The following PRPS2 variants were observed in gnomAD, a reference collection of about 807,000 sequenced individuals.
PRPS2 encodes the protein ribose-phosphate pyrophosphokinase 2.
For synonymous variants in PRPS2, 111 were observed against 115.3 expected (o/e 0.96, Z 0.24); for missense variants, 104 against 271.5 (o/e 0.38, Z 4.34).
chrX:12,813,462 G>A (rs1472435820), intron 4 of PRPS2, among the ~76,000 whole-genome samples: 1 of 112,506 alleles, frequency 8.9e-6, no homozygotes, highest in East Asian at 2.8e-4. Context: ...CAAAAGGCAT[G>A]AGCCATTTTA....
At chrX:12,808,128 A>G (rs1035042710) in intron 2 of PRPS2, among the ~76,000 whole-genome samples, 8 of 111,125 alleles carry the variant, frequency 7.2e-5, no homozygotes, top group African/African-American at 2.3e-4. Context: ...CGGCCTCCCA[A>G]AGTGCTGAGA....
intron 6 of PRPS2, 32 bp from the exon 7 acceptor site, chrX:12,822,672 C>G: frequency 8.7e-7 from 1 of 1,155,183 alleles, no homozygotes; most frequent in Non-Finnish European, 1.2e-6. Context: ...TCCTGCTTCC[C>G]TTCTCCCTTT....
In PRPS2 at chrX:12,814,412, A is replaced by C. The variant is rs140288462; in HGVS notation, c.530+4266A>C. On this transcript the variant is annotated intron_variant, in intron 4 of 6. Transcript: ENST00000380668. ...TCTGCTACACATTATTGTCATCCTC[A>C]TATTCTAGCCCCCAACTGACAGTCT... Among the ~76,000 whole-genome samples the C allele has an allele frequency of 3.6e-4, 40 of 111,944 alleles. 1 individual carries two copies. The East Asian group carries it at 7.6e-3, about 21-fold the overall frequency.
chrX:12,823,015 A>G lies in PRPS2; in HGVS notation c.*219A>G. ...TGGTGGTTATTTGGTCTTTAAGTGA[A>G]CTGTCTTAAATGAGAAACGTTTTTG... On this transcript the variant is annotated 3_prime_UTR_variant, in exon 7 of 7. Transcript: ENST00000380668. The G allele has an allele frequency of 2.5e-6, 1 of 394,558 alleles. No individual in the cohort carries two copies. Among genetic ancestry groups the G allele is most frequent in the Non-Finnish European group, 4.4e-6 (1 of 228,325 alleles). The allele number at this position is 394,558 out of a possible 1,213,427, so 32.5% of individuals were successfully genotyped here.
chrX:12,819,643 G>T lies in PRPS2; in HGVS notation c.667G>T (p.Ala223Ser). ...DRVAILVDDM[A>S]DTCGTICHAA... ...TGTGGCCATCCTCGTGGATGACATG[G>T]CTGACACTTGCGGCACCATCTGCCA... The change falls in exon 5 of 7, where the codon GCT becomes TCT. Residue 223 changes from alanine to serine, a missense_variant. Transcript: ENST00000380668. 8.3e-7 allele frequency: 1 copy of T among 1,211,619 alleles called. No individual in the cohort carries two copies. The highest frequency in any genetic ancestry group is 1.1e-6 in the Non-Finnish European group (1 of 895,320).
chrX:12,812,280 G>A (rs184746063), intron 4 of PRPS2, among the ~76,000 whole-genome samples: 2 of 111,942 alleles, frequency 1.8e-5, no homozygotes, highest in South Asian at 3.7e-4. Flanking sequence ...GTACAGGAGC[G>A]AGCGTCAGAT....
At position 12,791,450 on chromosome X, in the gene PRPS2, C is replaced by T. The variant is rs1343878017; in HGVS notation, c.-48C>T. 3.4e-6 allele frequency: 4 copies of T among 1,178,226 alleles called. No homozygotes were observed. The highest frequency in any genetic ancestry group is 2.3e-5 in the Admixed American group (1 of 43,853). On this transcript the variant is annotated 5_prime_UTR_variant, in exon 1 of 7. Transcript: ENST00000380668. Reference sequence around the variant, plus strand: ...CCCGCGTCGCTGTCGCTGTTGCCTCCGCCACCTCCTCCGCCGCCGCGCGCC... The same window carrying T: ...CCCGCGTCGCTGTCGCTGTTGCCTCTGCCACCTCCTCCGCCGCCGCGCGCC...
rs761998122 is a variant in PRPS2 at position 12,791,448 on chromosome X, T to A, written c.-50T>A. Reference sequence around the variant, plus strand: ...CTCCCGCGTCGCTGTCGCTGTTGCCTCCGCCACCTCCTCCGCCGCCGCGCG... The same window carrying A: ...CTCCCGCGTCGCTGTCGCTGTTGCCACCGCCACCTCCTCCGCCGCCGCGCG... On this transcript the variant is annotated 5_prime_UTR_variant, in exon 1 of 7. Transcript: ENST00000380668. 9 of 1,174,996 alleles carry A rather than the reference T, an allele frequency of 7.7e-6. No individual in the cohort carries two copies. Among genetic ancestry groups the A allele is most frequent in the African/African-American group, 1.8e-5 (1 of 56,531 alleles).
intron 3 of PRPS2, 80 bp from the exon 4 acceptor site, chrX:12,809,942 A>C: frequency 9.4e-7 from 1 of 1,067,629 alleles, no homozygotes; most frequent in Non-Finnish European, 1.2e-6. Flanking sequence ...TTATTTAATG[A>C]AAGCGATTAT....
intron 4 of PRPS2, among the ~76,000 whole-genome samples, chrX:12,813,176 G>A (rs1045692682): frequency 1.5e-4 from 17 of 111,888 alleles, no homozygotes; most frequent in Non-Finnish European, 2.3e-4. Flanking sequence ...TTTATTTCAC[G>A]CAAATGGCAA....
At chrX:12,812,358 G>A (rs2042628157) in intron 4 of PRPS2, among the ~76,000 whole-genome samples, 1 of 112,237 alleles carries the variant, frequency 8.9e-6, no homozygotes, top group Non-Finnish European at 1.9e-5. Flanking sequence ...CGGGTGTGGT[G>A]ACTCACACTT....
chrX:12,791,711 C>G, intron 1 of PRPS2, 92 bp downstream of exon 1: 1 of 785,182 alleles, frequency 1.3e-6, no homozygotes, highest in Non-Finnish European at 1.5e-6. Context: ...GGGCCACCTC[C>G]GCGGACGCCG....
rs766247017 is a variant in PRPS2 at position 12,814,142 on chromosome X, CT to C, written c.530+3999del. 3.8e-5 allele frequency among the ~76,000 whole-genome samples: 4 copies of C among 105,140 alleles called. No homozygotes were observed. In the South Asian group the frequency reaches 1.9e-3, roughly 49 times the overall value. The allele number at this position is 105,140 out of a possible 115,157, so 91.3% of individuals were successfully genotyped here. Reference sequence around the variant, plus strand: ...CACCTCTATTGATTTGAAATGGCATCTTTCATCATATACAGAGTTCCCCATT... The same window carrying C: ...CACCTCTATTGATTTGAAATGGCATCTTCATCATATACAGAGTTCCCCATT... On this transcript the variant is annotated intron_variant, in intron 4 of 6. Coordinates refer to ENST00000380668, the MANE Select transcript of PRPS2 (RefSeq NM_002765.5).
At chrX:12,813,669 C>T (rs1368035997) in intron 4 of PRPS2, among the ~76,000 whole-genome samples, 1 of 111,157 alleles carries the variant, frequency 9.0e-6, no homozygotes, top group African/African-American at 3.3e-5. Context: ...GAGGGTAGTG[C>T]CCTCACCAGG....
chrX:12,797,660 C>T (rs906658730), intron 1 of PRPS2, among the ~76,000 whole-genome samples: 5 of 111,975 alleles, frequency 4.5e-5, no homozygotes, highest in African/African-American at 1.6e-4. Context: ...AACAAATTTG[C>T]CTTTTCAAAA....
intron 1 of PRPS2, among the ~76,000 whole-genome samples, chrX:12,797,240 C>G (rs1602408606): frequency 1.8e-5 from 2 of 110,172 alleles, no homozygotes; most frequent in African/African-American, 6.6e-5. Context: ...TGCCTGTAAT[C>G]CGAGCTACTC....
chrX:12,805,727 G>A (rs1023980740), intron 2 of PRPS2, among the ~76,000 whole-genome samples: 2 of 111,944 alleles, frequency 1.8e-5, no homozygotes, highest in Non-Finnish European at 3.8e-5. Flanking sequence ...CTAATTTGCC[G>A]GTCCCTGCTA....
At chrX:12,801,221 CGTGTGTGTGTGT>C (rs72506508) in intron 2 of PRPS2, among the ~76,000 whole-genome samples, 7 of 93,368 alleles carry the variant, frequency 7.5e-5, no homozygotes, top group African/African-American at 1.6e-4. Context: ...TGCGTGCGCA[CGTGTGTGTGTGT>C]GTGTGTGTGT....
chrX:12,818,380 AAAAAG>A (rs1374362974), intron 4 of PRPS2, among the ~76,000 whole-genome samples: 2 of 108,005 alleles, frequency 1.9e-5, no homozygotes, highest in African/African-American at 6.8e-5. Flanking sequence ...AAAAAAAAAA[AAAAAG>A]AAAAGAAAAG....
Sources: allele counts gnomAD v4.1 joint callset (sites outside exome capture counted in the v4.1 genomes callset), GRCh38; gene constraint gnomAD v4.1.1; transcripts MANE v1.5; gene names NCBI Gene and HGNC (gene_info 2026-07-23, HGNC 2026-07-21).